MALRD1: variants seen among roughly 807,000 people sequenced by gnomAD.
MALRD1 encodes the protein MAM and LDL-receptor class A domain-containing protein 1.
MALRD1 carries 247 observed loss-of-function variants against 242.1 expected under a neutral mutation model. The observed-to-expected ratio is 1.02, with a 90% CI of 0.92 to 1.13. The LOEUF (loss-of-function observed/expected upper bound fraction) is 1.13. MALRD1 is among the 50% of genes most tolerant of loss of function. MALRD1 has a pLI of 0.00. For missense variants in MALRD1, 2,989 were observed against 2,533.1 expected (o/e 1.18, Z -3.86); for synonymous variants, 995 against 866.6 (o/e 1.15, Z -2.60).
chr10:19,231,050 G>A (rs1298643177), intron 18 of MALRD1, among the ~76,000 whole-genome samples: 2 of 152,070 alleles, frequency 1.3e-5, no homozygotes, highest in Non-Finnish European at 2.9e-5. Flanking sequence ...GGCAAATCAT[G>A]CCTCTCAGCT....
At chr10:19,355,760 C>T (rs1030401027) in intron 26 of MALRD1, among the ~76,000 whole-genome samples, 7 of 147,680 alleles carry the variant, frequency 4.7e-5, no homozygotes, top group South Asian at 2.1e-4. Flanking sequence ...ACTCAAGCTG[C>T]GAAATGATTC....
chr10:19,443,293 G>C (rs887213348), intron 28 of MALRD1, among the ~76,000 whole-genome samples: 6 of 152,144 alleles, frequency 3.9e-5, no homozygotes, highest in African/African-American at 1.4e-4. Context: ...TTGATTTTTT[G>C]AAGGGTTTTA....
chr10:19,450,978 A>G (rs900560721), intron 29 of MALRD1, among the ~76,000 whole-genome samples: 13 of 152,184 alleles, frequency 8.5e-5, no homozygotes, highest in African/African-American at 3.1e-4. Flanking sequence ...TCTGGACACT[A>G]TCACCTTTGG....
At chr10:19,404,294 T>C (rs1334956683) in intron 28 of MALRD1, among the ~76,000 whole-genome samples, 1 of 152,048 alleles carries the variant, frequency 6.6e-6, no homozygotes, top group Non-Finnish European at 1.5e-5. Context: ...ATAAACATCA[T>C]TAGGAAAAAA....
At chr10:19,233,382 A>C (rs1449595820) in intron 18 of MALRD1, among the ~76,000 whole-genome samples, 1 of 152,124 alleles carries the variant, frequency 6.6e-6, no homozygotes, top group African/African-American at 2.4e-5. Flanking sequence ...AGTGCCTGTC[A>C]TCCCAGCTAC....
intron 21 of MALRD1, among the ~76,000 whole-genome samples, chr10:19,307,182 A>C (rs564466987): frequency 1.3e-5 from 2 of 151,564 alleles, no homozygotes; most frequent in Non-Finnish European, 3.0e-5. Context: ...GTGGGTACCC[A>C]TTATATACTT....
chr10:19,505,901 T>C (rs1167900683), intron 31 of MALRD1, among the ~76,000 whole-genome samples: 1 of 152,136 alleles, frequency 6.6e-6, no homozygotes, highest in Non-Finnish European at 1.5e-5. Context: ...ATCATCACAA[T>C]AGGGAGTGGT....
intron 14 of MALRD1, among the ~76,000 whole-genome samples, chr10:19,194,350 C>T (rs1836135080): frequency 6.6e-6 from 1 of 152,170 alleles, no homozygotes; most frequent in East Asian, 1.9e-4. Context: ...ATTGAGTCCT[C>T]TTTAAGGACT....
intron 5 of MALRD1, among the ~76,000 whole-genome samples, chr10:19,117,094 C>CAAA (rs35620225): frequency 4.9e-4 from 35 of 70,908 alleles, no homozygotes; most frequent in African/African-American, 1.6e-3. Context: ...GACTCTGTCT[C>CAAA]AAAAAAAAAA....
intron 26 of MALRD1, among the ~76,000 whole-genome samples, chr10:19,377,639 A>T (rs930500180): frequency 6.6e-5 from 10 of 150,490 alleles, no homozygotes; most frequent in South Asian, 2.1e-4. Flanking sequence ...AGTCATAATT[A>T]TTTTTTTTTC....
chr10:19,495,506 T>G (rs1447772434), intron 30 of MALRD1, among the ~76,000 whole-genome samples: 1 of 151,074 alleles, frequency 6.6e-6, no homozygotes, highest in East Asian at 1.9e-4. Flanking sequence ...AAACTAAACT[T>G]CATAAATGAA....
chr10:19,318,441 T>C (rs1400955699), intron 21 of MALRD1, among the ~76,000 whole-genome samples: 1 of 151,780 alleles, frequency 6.6e-6, no homozygotes, highest in Non-Finnish European at 1.5e-5. Flanking sequence ...CCATAGTTTA[T>C]TTTATATTTG....
Position 19,164,758 on chromosome 10 carries a change from G to A in MALRD1, c.1657-879G>A, listed in dbSNP as rs181980444. On this transcript the variant is annotated intron_variant, in intron 12 of 39. Coordinates refer to ENST00000454679, the MANE Select transcript of MALRD1 (RefSeq NM_001142308.3). The stretch of plus-strand genomic sequence containing the variant: ...TAACAGTACGCAATTTCATGTTAGG[G>A]CTACTGCTATCAGCACCTGGCATAA... Among the ~76,000 whole-genome samples the A allele has an allele frequency of 4.5e-4, 69 of 152,082 alleles. 1 individual carries two copies. The South Asian group carries it at 0.011, about 25-fold the overall frequency.
intron 24 of MALRD1, among the ~76,000 whole-genome samples, chr10:19,339,463 A>G (rs1454279178): frequency 6.6e-6 from 1 of 152,136 alleles, no homozygotes; most frequent in African/African-American, 2.4e-5. Context: ...AGCTTTCCAC[A>G]ATATCTTGGG....
At chr10:19,313,833 C>G (rs1842531102) in intron 21 of MALRD1, among the ~76,000 whole-genome samples, 2 of 151,232 alleles carry the variant, frequency 1.3e-5, no homozygotes, top group Admixed American at 1.3e-4. Flanking sequence ...CTGTGGTTGC[C>G]CCTAATGAGA....
At chr10:19,716,528 G>A (rs778055267) in intron 38 of MALRD1, among the ~76,000 whole-genome samples, 62 of 152,138 alleles carry the variant, frequency 4.1e-4, no homozygotes, top group Non-Finnish European at 7.5e-4. Context: ...TATAGCCTGC[G>A]GAACTGTGAG....
chr10:19,472,901 AT>A (rs1836565350), intron 29 of MALRD1, among the ~76,000 whole-genome samples: 1 of 151,242 alleles, frequency 6.6e-6, no homozygotes, highest in Admixed American at 6.6e-5. Flanking sequence ...TGTTCTAATC[AT>A]GATTTTCTGA....
intron 28 of MALRD1, among the ~76,000 whole-genome samples, chr10:19,438,435 TATTTTG>T (rs1834448116): frequency 6.6e-6 from 1 of 152,232 alleles, no homozygotes. Flanking sequence ...ATTGCTTCCA[TATTTTG>T]CTATTGCAAA....
chr10:19,706,814 A>C (rs556689972), intron 38 of MALRD1, among the ~76,000 whole-genome samples: 3 of 152,080 alleles, frequency 2.0e-5, no homozygotes, highest in Non-Finnish European at 4.4e-5. Context: ...CTGAATTTGC[A>C]TTATGTTTGA....
Sources: gnomAD v4.1 joint callset for allele counts (sites outside exome capture counted in the v4.1 genomes callset) on GRCh38, gnomAD v4.1.1 for gene constraint, MANE v1.5 for transcripts, NCBI Gene and HGNC (gene_info 2026-07-23, HGNC 2026-07-21) for gene names.